HYAL2: variants seen among roughly 807,000 people sequenced by gnomAD.
HYAL2 encodes the protein hyaluronidase 2.
A neutral mutation model predicts 35.4 loss-of-function variants in HYAL2; 30 were observed. That is an observed-to-expected ratio of 0.85 (90% CI 0.63 to 1.15). HYAL2 has a LOEUF of 1.15. Ranked by LOEUF, HYAL2 falls within the 50% of genes most tolerant of loss-of-function variation. HYAL2 has a pLI of 0.00. For missense variants in HYAL2, 635 were observed against 646.5 expected, an observed-to-expected ratio of 0.98 and a Z score of 0.19; for synonymous variants, 262 against 252.8, an observed-to-expected ratio of 1.04 and a Z score of -0.34.
intron 2 of HYAL2, 73 bp downstream of exon 2, chr3:50,319,496 G>GGC: frequency 7.6e-7 from 1 of 1,319,400 alleles, no homozygotes; most frequent in Non-Finnish European, 1.0e-6. Context: ...GTCCTATAGT[G>GGC]GCCCCTGATA....
chr3:50,318,890 T>C lies in HYAL2; in HGVS notation c.1011+66A>G, dbSNP rs587768394. ...ACTAGGATTGCCCACCTGAGGTTGG[T>C]AGCCAAAGGCCCTAACTCTCTGTCT... On this transcript the variant is annotated intron_variant, in intron 3 of 3. Coordinates refer to ENST00000357750, the MANE Select transcript of HYAL2 (RefSeq NM_003773.5). This position sits in a 1 kb window ranked among gnomAD's most constrained non-coding sequence, Gnocchi z 4.5. 2.7e-5 allele frequency: 38 copies of C among 1,399,352 alleles called. No homozygotes were observed. Among genetic ancestry groups the C allele is most frequent in the South Asian group, 1.2e-4 (10 of 86,512 alleles). 86.7% of individuals were successfully genotyped at this position (1,399,352 alleles called of 1,614,324 possible).
rs1702676293 is a variant in HYAL2 at position 50,320,933 on chromosome 3, A to C, written c.-46-398T>G. ...CCAGAGAAACGACAGCATTTGGGTAAAGCAGGGAACAGCTCGTCAAGAGGC... is the reference window on the plus strand; with the variant it reads ...CCAGAGAAACGACAGCATTTGGGTACAGCAGGGAACAGCTCGTCAAGAGGC... On this transcript the variant is annotated intron_variant, in intron 1 of 3. Transcript: ENST00000357750. The surrounding 1 kb of genome is among the most constrained non-coding windows in gnomAD (Gnocchi z 4.8). 1 of 159,876 alleles carries C rather than the reference A, an allele frequency of 6.3e-6. No individual in the cohort carries two copies. Among genetic ancestry groups the C allele is most frequent in the South Asian group, 2.0e-4 (1 of 5,120 alleles). The allele number at this position is 159,876 out of a possible 1,614,324, so 9.9% of individuals were successfully genotyped here. A position where few individuals can be genotyped will look rare whatever the true frequency, so the allele number is the denominator to read the frequency against.
At chr3:50,319,412 A>G (rs1702632729) in intron 2 of HYAL2, among the ~76,000 whole-genome samples, 157 bp downstream of exon 2, 1 of 152,216 alleles carries the variant, frequency 6.6e-6, no homozygotes, top group Non-Finnish European at 1.5e-5. Context: ...AAATGGGGAT[A>G]ATGATGTCAC....
At chr3:50,319,514 T>A in intron 2 of HYAL2, 55 bp downstream of exon 2, 1 of 1,486,398 alleles carries the variant, frequency 6.7e-7, no homozygotes, top group South Asian at 1.3e-5. Flanking sequence ...ATAACCCAAA[T>A]GTGCAGTGGA....
chr3:50,320,601 T>A lies in HYAL2; in HGVS notation c.-46-66A>T. The A allele has an allele frequency of 1.0e-6, 1 of 1,001,142 alleles. No homozygotes were observed. The highest frequency in any genetic ancestry group is 1.7e-5 in the South Asian group (1 of 58,060). The allele number at this position is 1,001,142 out of a possible 1,614,324, so 62.0% of individuals were successfully genotyped here. ...ACTGGAAGTGCCCACCTCAAGCCCATCTATGCTCCCAAAGCCCATGCTGTG... is the reference window on the plus strand; with the variant it reads ...ACTGGAAGTGCCCACCTCAAGCCCAACTATGCTCCCAAAGCCCATGCTGTG... On this transcript the variant is annotated intron_variant, in intron 1 of 3. Coordinates refer to ENST00000357750, the MANE Select transcript of HYAL2 (RefSeq NM_003773.5). The surrounding 1 kb of genome is among the most constrained non-coding windows in gnomAD (Gnocchi z 4.8).
Position 50,318,628 on chromosome 3 carries a change from AT to A in HYAL2, c.1012-90del. ...AAACTGTGTCCACACTGTGATGACT[AT>A]ACCTTATTTTAACTGCACACATTCA... On this transcript the variant is annotated intron_variant, in intron 3 of 3. Transcript: ENST00000357750. The surrounding 1 kb of genome is among the most constrained non-coding windows in gnomAD (Gnocchi z 4.5). 1 of 1,224,174 alleles carries A rather than the reference AT, an allele frequency of 8.2e-7. No individual in the cohort carries two copies. Among genetic ancestry groups the A allele is most frequent in the Non-Finnish European group, 1.2e-6 (1 of 866,878 alleles). 75.8% of individuals were successfully genotyped at this position (1,224,174 alleles called of 1,614,324 possible).
Position 50,318,529 on chromosome 3 carries a change from T to C in HYAL2, c.1022A>G (p.Gln341Arg). 6 of 1,602,590 alleles carry C rather than the reference T, an allele frequency of 3.7e-6. No individual in the cohort carries two copies. Among genetic ancestry groups the C allele is most frequent in the East Asian group, 4.5e-5 (2 of 44,656 alleles). Residue 341 changes from glutamine (Q) to arginine (R), a missense_variant, in exon 4 of 4, where the codon CAG becomes CGG. Gln to Arg is a conservative substitution (Grantham distance 43). Coordinates refer to ENST00000357750, the MANE Select transcript of HYAL2 (RefSeq NM_003773.5). This position sits in a 1 kb window ranked among gnomAD's most constrained non-coding sequence, Gnocchi z 4.5. ...AGYTTSTETC[Q>R]YLKDYLTRLL... ...CCGTGTCAGGTAATCTTTGAGGTAC[T>C]GGCAGGTCTCCTGGAGGCAGAAGAC...
rs1553716856 is a variant in HYAL2 at position 50,322,203 on chromosome 3, G to A, written c.-47+450C>T. 6.6e-6 allele frequency: 1 copy of A among 152,326 alleles called. No homozygotes were observed. The highest frequency in any genetic ancestry group is 1.5e-5 in the Non-Finnish European group (1 of 68,032). 9.4% of individuals were successfully genotyped at this position (152,326 alleles called of 1,614,324 possible). On this transcript the variant is annotated intron_variant, in intron 1 of 3. Coordinates refer to ENST00000357750, the MANE Select transcript of HYAL2 (RefSeq NM_003773.5). This position sits in a 1 kb window ranked among gnomAD's most constrained non-coding sequence, Gnocchi z 5.5. ...GGGTTGGGGTCAGGGAAGCTCAGAG[G>A]GGTCTAGGAGGTTGGCCGCCCCTCT...
In HYAL2 at chr3:50,319,968, C is replaced by T; in HGVS notation, c.522G>A (p.Gln174=). Residue 174 remains glutamine (Q), a synonymous_variant, in exon 2 of 4, where the codon CAG becomes CAA. Transcript: ENST00000357750. Reference sequence around the variant, plus strand: ...CTGCGAACTCAAACTCATATTGTGCCTGTTTGACTATGCGGTCTGGAGGCC... The same window carrying T: ...CTGCGAACTCAAACTCATATTGTGCTTGTTTGACTATGCGGTCTGGAGGCC... The part of the protein sequence containing the change: ...PDWPPDRIVK[Q]AQYEFEFAAQ... 2 of 1,613,594 alleles carry T rather than the reference C, an allele frequency of 1.2e-6. No individual in the cohort carries two copies. Among genetic ancestry groups the T allele is most frequent in the South Asian group, 1.1e-5 (1 of 91,088 alleles).
Position 50,318,556 on chromosome 3 carries a change from A to G in HYAL2, c.1012-17T>C, listed in dbSNP as rs1368162282. On this transcript the variant is annotated splice_polypyrimidine_tract_variant and intron_variant, in intron 3 of 3. Transcript: ENST00000357750. This position sits in a 1 kb window ranked among gnomAD's most constrained non-coding sequence, Gnocchi z 4.5. ...GCAGGTCTCCTGGAGGCAGAAGACA[A>G]GGACCACAGGTCAGGGTCAGCTGCC... 12 of 1,584,544 alleles carry G rather than the reference A, an allele frequency of 7.6e-6. No homozygotes were observed.
chr3:50,319,947 G>GAACT lies in HYAL2; in HGVS notation c.539_542dup (p.Phe181LeufsTer31). 6.2e-7 allele frequency: 1 copy of GAACT among 1,613,622 alleles called. No homozygotes were observed. Among genetic ancestry groups the GAACT allele is most frequent in the Non-Finnish European group, 8.5e-7 (1 of 1,180,042 alleles). ...TCTCCAGCATGAACTGCTGTGCTGC[G>GAACT]AACTCAAACTCATATTGTGCCTGTT... On this transcript the variant is annotated frameshift_variant, in exon 2 of 4. Transcript: ENST00000357750. LOFTEE classifies it high-confidence loss of function.
At position 50,320,564 on chromosome 3, in the gene HYAL2, A is replaced by T. The variant is rs1575531741; in HGVS notation, c.-46-29T>A. The T allele has an allele frequency of 2.2e-6, 3 of 1,335,668 alleles. No homozygotes were observed. Among genetic ancestry groups the T allele is most frequent in the Non-Finnish European group, 3.0e-6 (3 of 1,005,320 alleles). The allele number at this position is 1,335,668 out of a possible 1,614,324, so 82.7% of individuals were successfully genotyped here. A position where few individuals can be genotyped will look rare whatever the true frequency, so the allele number is the denominator to read the frequency against. ...GAAGAAGGGTTGGGGAGAACAAGTCAGTCTAGGGAATACTGGAAGTGCCCA... is the reference window on the plus strand; with the variant it reads ...GAAGAAGGGTTGGGGAGAACAAGTCTGTCTAGGGAATACTGGAAGTGCCCA... On this transcript the variant is annotated intron_variant, in intron 1 of 3. Coordinates refer to ENST00000357750, the MANE Select transcript of HYAL2 (RefSeq NM_003773.5). The surrounding 1 kb of genome is among the most constrained non-coding windows in gnomAD (Gnocchi z 4.8).
intron 1 of HYAL2, chr3:50,321,305 C>T (rs1346255272): frequency 1.3e-5 from 2 of 152,134 alleles, no homozygotes; most frequent in East Asian, 3.8e-4. Flanking sequence ...CGAGCACCCC[C>T]GGGGATTCAG....
chr3:50,318,621 G>A lies in HYAL2; in HGVS notation c.1012-82C>T. The A allele has an allele frequency of 7.9e-7, 1 of 1,270,324 alleles. No homozygotes were observed. The allele number at this position is 1,270,324 out of a possible 1,614,324, so 78.7% of individuals were successfully genotyped here. ...CAGATGGAAACTGTGTCCACACTGTGATGACTATACCTTATTTTAACTGCA... is the reference window on the plus strand; with the variant it reads ...CAGATGGAAACTGTGTCCACACTGTAATGACTATACCTTATTTTAACTGCA... On this transcript the variant is annotated intron_variant, in intron 3 of 3. Coordinates refer to ENST00000357750, the MANE Select transcript of HYAL2 (RefSeq NM_003773.5). This position sits in a 1 kb window ranked among gnomAD's most constrained non-coding sequence, Gnocchi z 4.5.
At chr3:50,321,559 G>T (rs1702698092) in intron 1 of HYAL2, 1 of 152,208 alleles carries the variant, frequency 6.6e-6, no homozygotes, top group Non-Finnish European at 1.5e-5. Flanking sequence ...GCGGGAAGGT[G>T]TGGTCCACCT....
Position 50,319,004 on chromosome 3 carries a change from G to A in HYAL2, c.963C>T (p.Gly321=), listed in dbSNP as rs140376758. ...CACCCCAGAGGATGACACCAGCTGC[G>A]CCCAGGGCCGCACTCTCGCCAATGG... is the stretch of plus-strand genomic sequence containing the variant. ...ISTIGESAAL[G]AAGVILWGDA... is the part of the protein sequence containing the mutation. The change falls in exon 3 of 4, where the codon GGC becomes GGT. Residue 321 remains glycine (G), a synonymous_variant. Coordinates refer to ENST00000357750, the MANE Select transcript of HYAL2 (RefSeq NM_003773.5). 985 of 1,612,196 alleles carry A rather than the reference G, an allele frequency of 6.1e-4. No individual in the cohort carries two copies. Among genetic ancestry groups the A allele is most frequent in the Non-Finnish European group, 7.8e-4 (918 of 1,178,892 alleles).
At position 50,318,555 on chromosome 3, in the gene HYAL2, A is replaced by T; in HGVS notation, c.1012-16T>A. 1.3e-6 allele frequency: 2 copies of T among 1,586,972 alleles called. No homozygotes were observed. Among genetic ancestry groups the T allele is most frequent in the Non-Finnish European group, 1.7e-6 (2 of 1,164,024 alleles). On this transcript the variant is annotated splice_polypyrimidine_tract_variant and intron_variant, in intron 3 of 3. Transcript: ENST00000357750. This position sits in a 1 kb window ranked among gnomAD's most constrained non-coding sequence, Gnocchi z 4.5. ...GGCAGGTCTCCTGGAGGCAGAAGACAAGGACCACAGGTCAGGGTCAGCTGC... is the reference window on the plus strand; with the variant it reads ...GGCAGGTCTCCTGGAGGCAGAAGACTAGGACCACAGGTCAGGGTCAGCTGC...
At position 50,320,185 on chromosome 3, in the gene HYAL2, T is replaced by A; in HGVS notation, c.305A>T (p.Gln102Leu). Residue 102 changes from glutamine (Q) to leucine (L), a missense_variant, in exon 2 of 4, where the codon CAG (glutamine) becomes CTG (leucine). Coordinates refer to ENST00000357750, the MANE Select transcript of HYAL2 (RefSeq NM_003773.5). This position sits in a 1 kb window ranked among gnomAD's most constrained non-coding sequence, Gnocchi z 4.8. ...AGRSVHGGVP[Q>L]NVSLWAHRKM... ...CCGGTGTGCCCAAAGGCTGACATTC[T>A]GTGGCACACCACCATGCACAGACCT... The A allele has an allele frequency of 6.2e-7, 1 of 1,613,954 alleles. No individual in the cohort carries two copies. The highest frequency in any genetic ancestry group is 8.5e-7 in the Non-Finnish European group (1 of 1,180,048).
At position 50,317,864 on chromosome 3, in the gene HYAL2, A is replaced by G. The variant is rs587656593; in HGVS notation, c.*265T>C. 103 of 383,304 alleles carry G rather than the reference A, an allele frequency of 2.7e-4. No homozygotes were observed. Among genetic ancestry groups the G allele is most frequent in the African/African-American group, 2.0e-3 (96 of 48,390 alleles). 23.7% of individuals were successfully genotyped at this position (383,304 alleles called of 1,614,324 possible). On this transcript the variant is annotated 3_prime_UTR_variant, in exon 4 of 4. Transcript: ENST00000357750. ...GACCCCAAAATAATAATAATAATAAACTATCTAGGGCAAGGGAGTAGGGTC... is the reference window on the plus strand; with the variant it reads ...GACCCCAAAATAATAATAATAATAAGCTATCTAGGGCAAGGGAGTAGGGTC...
Sources: allele counts gnomAD v4.1 joint callset (sites outside exome capture counted in the v4.1 genomes callset), GRCh38; gene constraint gnomAD v4.1.1; non-coding constraint Gnocchi (gnomAD v3.1); transcripts MANE v1.5; gene names NCBI Gene and HGNC (gene_info 2026-07-23, HGNC 2026-07-21).